ZNF697: variants seen among roughly 807,000 people sequenced by gnomAD.
ZNF697 encodes zinc finger protein 697.
ZNF697 carries 23 observed loss-of-function variants against 32.4 expected under a neutral mutation model. The observed-to-expected ratio is 0.71, with a 90% CI of 0.51 to 1.01. The LOEUF (loss-of-function observed/expected upper bound fraction) is 1.01. ZNF697 is among the 50% of genes least tolerant of loss of function. ZNF697 has a pLI of 0.00. For synonymous variants in ZNF697, 418 were observed against 337.2 expected (o/e 1.24, Z -2.62); for missense variants, 930 against 794.0 (o/e 1.17, Z -2.06).
At chr1:119,625,366 A>G (rs1277318387) in intron 2 of ZNF697, among the ~76,000 whole-genome samples, 1 of 152,232 alleles carries the variant, frequency 6.6e-6, no homozygotes, top group African/African-American at 2.4e-5. Flanking sequence ...AGTAAGAGTA[A>G]GGCATTTAGC....
chr1:119,635,596 C>T (rs2101090412), intron 1 of ZNF697, among the ~76,000 whole-genome samples: 1 of 152,294 alleles, frequency 6.6e-6, no homozygotes, highest in East Asian at 1.9e-4. Context: ...TAGGGGAATG[C>T]TTTATCCCCA....
intron 1 of ZNF697, among the ~76,000 whole-genome samples, chr1:119,628,547 C>A (rs1648667478): frequency 6.6e-6 from 1 of 152,148 alleles, no homozygotes; most frequent in Non-Finnish European, 1.5e-5. Context: ...GGGAGTAGTT[C>A]CTGATCCTTA....
rs587617828 is a variant in ZNF697, at chr1:119,621,566, G to A, written c.*1139C>T. On this transcript the variant is annotated 3_prime_UTR_variant, in exon 3 of 3. Transcript: ENST00000421812. ...TGAGATTTCTACTGTGCCTCCACGC[G>A]CAGGCAAAAGACATTCTTACTTAGA... is the stretch of plus-strand genomic sequence containing the variant. The A allele has an allele frequency of 6.5e-6, 1 of 152,734 alleles. No individual in the cohort carries two copies. The highest frequency in any genetic ancestry group is 1.5e-5 in the Non-Finnish European group (1 of 68,034). The allele number at this position is 152,734 out of a possible 1,614,324, so 9.5% of individuals were successfully genotyped here. A position where few individuals can be genotyped will look rare whatever the true frequency, so the allele number is the denominator to read the frequency against.
intron 1 of ZNF697, among the ~76,000 whole-genome samples, chr1:119,638,383 A>T (rs976884978): frequency 6.6e-6 from 1 of 152,180 alleles, no homozygotes; most frequent in Non-Finnish European, 1.5e-5. Context: ...TCAGCTATGT[A>T]TTTCTACCTT....
In ZNF697 at chr1:119,619,779, G is replaced by C. The variant is rs41276620; in HGVS notation, c.*2926C>G. ...ACTTCTCATTTTCTCCTTCCAACTC[G>C]GAGCTCAAGATTTAATCAAAACCAT... On this transcript the variant is annotated 3_prime_UTR_variant, in exon 3 of 3. Transcript: ENST00000421812. 0.023 allele frequency: 3,509 copies of C among 152,596 alleles called. 91 individuals are homozygous for C. The highest frequency in any genetic ancestry group is 0.029 in the Non-Finnish European group (1,963 of 68,008). The allele number at this position is 152,596 out of a possible 1,614,324, so 9.5% of individuals were successfully genotyped here.
At chr1:119,642,446 A>C (rs1312929092) in intron 1 of ZNF697, among the ~76,000 whole-genome samples, 1 of 152,054 alleles carries the variant, frequency 6.6e-6, no homozygotes, top group African/African-American at 2.4e-5. Context: ...AGAGGGGGGG[A>C]GGCTGTACAT....
chr1:119,637,051 T>C (rs1247361664), intron 1 of ZNF697, among the ~76,000 whole-genome samples: 1 of 152,200 alleles, frequency 6.6e-6, no homozygotes, highest in Non-Finnish European at 1.5e-5. Context: ...ACCTACCCAG[T>C]ACACAAAATG....
intron 2 of ZNF697, among the ~76,000 whole-genome samples, chr1:119,625,403 G>A (rs965843060): frequency 1.1e-4 from 17 of 152,206 alleles, no homozygotes; most frequent in Non-Finnish European, 1.9e-4. Flanking sequence ...TTGGGAATTA[G>A]CCACATGAAC....
intron 1 of ZNF697, among the ~76,000 whole-genome samples, chr1:119,632,705 C>G (rs1483859624): frequency 2.0e-5 from 3 of 152,142 alleles, no homozygotes; most frequent in Non-Finnish European, 2.9e-5. Flanking sequence ...CACCACCACC[C>G]TATTCCTCCT....
intron 1 of ZNF697, among the ~76,000 whole-genome samples, chr1:119,645,632 G>T (rs1327848543): frequency 6.6e-6 from 1 of 152,152 alleles, no homozygotes; most frequent in Non-Finnish European, 1.5e-5. Flanking sequence ...GGTAAATTGG[G>T]GTGGCACAGG....
chr1:119,636,454 T>C (rs893167745), intron 1 of ZNF697, among the ~76,000 whole-genome samples: 1 of 152,232 alleles, frequency 6.6e-6, no homozygotes, highest in Non-Finnish European at 1.5e-5. Flanking sequence ...GTAAGGGGGA[T>C]AAGAGCAGTT....
chr1:119,623,472 A>G lies in ZNF697; in HGVS notation c.871T>C (p.Cys291Arg), dbSNP rs1205524673. Reference protein sequence around the residue: ...RLHTGERPNLCADCGKSFSWR... With the variant: ...RLHTGERPNLRADCGKSFSWR... ...CTGAAGCTCTTGCCGCAGTCGGCGC[A>G]CAGGTTGGGCCGCTCGCCCGTGTGC... Residue 291 changes from cysteine to arginine, a missense_variant, in exon 3 of 3, where the codon TGC becomes CGC. Coordinates refer to ENST00000421812, the MANE Select transcript of ZNF697 (RefSeq NM_001080470.2). 1.3e-6 allele frequency: 2 copies of G among 1,566,064 alleles called. No individual in the cohort carries two copies. The highest frequency in any genetic ancestry group is 1.7e-6 in the Non-Finnish European group (2 of 1,157,584).
intron 1 of ZNF697, among the ~76,000 whole-genome samples, chr1:119,647,130 G>T (rs1649232360): frequency 6.6e-6 from 1 of 152,132 alleles, no homozygotes; most frequent in Admixed American, 6.5e-5. Context: ...GAAAATCGTG[G>T]AAAGTCCCAG....
Position 119,648,216 on chromosome 1 carries a change from G to GGCTGGCTGGCTGGCTC in ZNF697, c.-564_-563insGAGCCAGCCAGCCAGC, listed in dbSNP as rs1553230585. Among the ~76,000 whole-genome samples the GGCTGGCTGGCTGGCTC allele has an allele frequency of 6.0e-5, 9 of 150,794 alleles. No individual in the cohort carries two copies. In the South Asian group the frequency reaches 8.4e-4, roughly 14 times the overall value. ...TGGCTGGCTGGTTGGCTGGCTGGCT[G>GGCTGGCTGGCTGGCTC]GCTGGCTGGCTGGCTGGCTCGCTGG... On this transcript the variant is annotated 5_prime_UTR_variant, in exon 1 of 3. Transcript: ENST00000421812.
At chr1:119,642,957 CA>C (rs1649117461) in intron 1 of ZNF697, among the ~76,000 whole-genome samples, 1 of 152,154 alleles carries the variant, frequency 6.6e-6, no homozygotes, top group Non-Finnish European at 1.5e-5. Flanking sequence ...AAAATTTCAA[CA>C]ACTGGAAAAG....
In ZNF697 at chr1:119,623,815, C is replaced by A. The variant is rs1233123298; in HGVS notation, c.528G>T (p.Glu176Asp). ...TGATGCTGGCCACCAGGCTATCCAGCTCCCCGAGGTCCACGGCCATGGGGT... is the reference window on the plus strand; with the variant it reads ...TGATGCTGGCCACCAGGCTATCCAGATCCCCGAGGTCCACGGCCATGGGGT... ...LHHPMAVDLG[E>D]LDSLVASIMD... is the part of the protein sequence containing the mutation. The change falls in exon 3 of 3, where the codon GAG (glutamate) becomes GAT (aspartate). Residue 176 changes from glutamate to aspartate, a missense_variant. Transcript: ENST00000421812. The A allele has an allele frequency of 6.5e-7, 1 of 1,547,488 alleles. No homozygotes were observed. The highest frequency in any genetic ancestry group is 8.7e-7 in the Non-Finnish European group (1 of 1,145,682).
At chr1:119,642,554 A>G (rs1265669461) in intron 1 of ZNF697, among the ~76,000 whole-genome samples, 1 of 152,160 alleles carries the variant, frequency 6.6e-6, no homozygotes, top group Non-Finnish European at 1.5e-5. Flanking sequence ...ATATATATGT[A>G]CATAATGTAC....
chr1:119,624,566 CCTAA>C (rs1419591770), intron 2 of ZNF697, among the ~76,000 whole-genome samples: 1 of 152,330 alleles, frequency 6.6e-6, no homozygotes, highest in East Asian at 1.9e-4. Flanking sequence ...GACCACTTGG[CCTAA>C]CCAGGCCCTG....
intron 1 of ZNF697, among the ~76,000 whole-genome samples, chr1:119,643,636 C>A (rs1649136072): frequency 6.6e-6 from 1 of 152,176 alleles, no homozygotes; most frequent in Admixed American, 6.5e-5. Flanking sequence ...CTCTCCCCAG[C>A]CTTCTTCTCC....
Sources: allele counts gnomAD v4.1 joint callset (sites outside exome capture counted in the v4.1 genomes callset), GRCh38; gene constraint gnomAD v4.1.1; transcripts MANE v1.5; gene names NCBI Gene and HGNC (gene_info 2026-07-23, HGNC 2026-07-21).